NUP214: variants seen among roughly 807,000 people sequenced by gnomAD.
The protein encoded by NUP214 is nuclear pore complex protein Nup214.
In NUP214, 79 loss-of-function variants were observed where a neutral mutation model predicts 196.2. That is an observed-to-expected ratio of 0.40 (90% CI 0.34 to 0.49). The LOEUF (loss-of-function observed/expected upper bound fraction) is 0.49, where lower values mean the gene tolerates loss of function less well. Ranked by LOEUF, NUP214 falls within the 20% of genes least tolerant of loss-of-function variation. The pLI is 0.58. For synonymous variants in NUP214, 1,020 were observed against 990.5 expected, an observed-to-expected ratio of 1.03 and a Z score of -0.56; for missense variants, 2,468 against 2,539.0, an observed-to-expected ratio of 0.97 and a Z score of 0.60.
rs1430973926 is a variant in NUP214 at position 131,174,067 on chromosome 9, G to GATCAGCCTTTCTGTCTCA, written c.2907_2924dup (p.Ser970_Gln975dup). On this transcript the variant is annotated inframe_insertion, in exon 22 of 36. Transcript: ENST00000359428. ...GGGGCTTTTGTAGCCAGCCTGTCTC[G>GATCAGCCTTTCTGTCTCA]ATCAGCCTTTCTGTCTCAGAGATAT... 1 of 1,612,224 alleles carries GATCAGCCTTTCTGTCTCA rather than the reference G, an allele frequency of 6.2e-7. No homozygotes were observed. Among genetic ancestry groups the GATCAGCCTTTCTGTCTCA allele is most frequent in the Non-Finnish European group, 8.5e-7 (1 of 1,179,494 alleles).
chr9:131,217,189 A>G (rs78130597), intron 31 of NUP214, among the ~76,000 whole-genome samples: 1,915 of 152,320 alleles, frequency 0.013, 24 homozygotes, highest in Non-Finnish European at 0.019. Flanking sequence ...CTCAAAAACC[A>G]AACAAACAAA....
chr9:131,232,315 A>G lies in NUP214; in HGVS notation c.6239+7A>G, dbSNP rs768001098. 3.7e-6 allele frequency: 6 copies of G among 1,613,786 alleles called. No homozygotes were observed. Among genetic ancestry groups the G allele is most frequent in the Admixed American group, 3.3e-5 (2 of 60,034 alleles). On this transcript the variant is annotated splice_region_variant and intron_variant, in intron 35 of 35. Coordinates refer to ENST00000359428, the MANE Select transcript of NUP214 (RefSeq NM_005085.4). The surrounding 1 kb of genome is among the most constrained non-coding windows in gnomAD (Gnocchi z 5.1). ...GCTTTGGGTCAAATAACTCGTAAGT[A>G]TCCCCCTTTTTGAGTCTCACCTTAA... is the stretch of plus-strand genomic sequence containing the variant.
At chr9:131,231,170 T>C (rs1308553168) in intron 34 of NUP214, among the ~76,000 whole-genome samples, 1 of 152,008 alleles carries the variant, frequency 6.6e-6, no homozygotes, top group African/African-American at 2.4e-5. Flanking sequence ...ATATGTAACA[T>C]ACTGAAAGTG....
rs1393601833 is a variant in NUP214, at chr9:131,230,770, G to A, written c.6214+1G>A. On this transcript the variant is annotated splice_donor_variant, in intron 34 of 35. Transcript: ENST00000359428. LOFTEE classifies it high-confidence loss of function. The stretch of plus-strand genomic sequence containing the variant: ...TCTGGTTTTGGATCAGGCACAGGAG[G>A]TAAGCTGCCACAAGTTCTCCCCTCA... 1 of 1,612,296 alleles carries A rather than the reference G, an allele frequency of 6.2e-7. No homozygotes were observed. The highest frequency in any genetic ancestry group is 1.3e-5 in the African/African-American group (1 of 75,020).
rs1189640040 is a variant in NUP214, at chr9:131,230,404, T to C, written c.6075-226T>C. 1.7e-5 allele frequency: 9 copies of C among 541,128 alleles called. No individual in the cohort carries two copies. The Admixed American group carries it at 2.3e-4, about 14-fold the overall frequency. 33.5% of individuals were successfully genotyped at this position (541,128 alleles called of 1,614,324 possible). A position where few individuals can be genotyped will look rare whatever the true frequency, so the allele number is the denominator to read the frequency against. On this transcript the variant is annotated intron_variant, in intron 33 of 35. Coordinates refer to ENST00000359428, the MANE Select transcript of NUP214 (RefSeq NM_005085.4). ...GATGGAAACTAAAACACTGGCCAGGTTGGATTTCATACTGTAGTCCTGCCA... is the reference window on the plus strand; with the variant it reads ...GATGGAAACTAAAACACTGGCCAGGCTGGATTTCATACTGTAGTCCTGCCA...
At position 131,136,006 on chromosome 9, in the gene NUP214, G is replaced by C; in HGVS notation, c.1005G>C (p.Gln335His). The change falls in exon 9 of 36, where the codon CAG (glutamine) becomes CAC (histidine). Residue 335 changes from glutamine to histidine, a missense_variant and splice_region_variant. Transcript: ENST00000359428. ...GTATCCTTGCTCGACAAAGTGATCA[G>C]GTAAATCTCTTTTTTGTCACTTCTG... ...EVSILARQSDQINWESWLLED... is the reference protein window; with the variant it reads ...EVSILARQSDHINWESWLLED... The C allele has an allele frequency of 3.1e-6, 5 of 1,610,396 alleles. No homozygotes were observed. Among genetic ancestry groups the C allele is most frequent in the Non-Finnish European group, 4.2e-6 (5 of 1,176,716 alleles).
chr9:131,134,959 G>T lies in NUP214; in HGVS notation c.893G>T (p.Cys298Phe), dbSNP rs1321904837. The change falls in exon 8 of 36, where the codon TGC becomes TTC. Residue 298 changes from cysteine to phenylalanine, a missense_variant. Coordinates refer to ENST00000359428, the MANE Select transcript of NUP214 (RefSeq NM_005085.4). ...TTTATGGAGCCCTGTTATGGCAGCT[G>T]CACGGAGAGACAGCATCATTACTAC... ...VNFMEPCYGS[C>F]TERQHHYYLS... is the part of the protein sequence containing the mutation. 2 of 1,613,878 alleles carry T rather than the reference G, an allele frequency of 1.2e-6. No homozygotes were observed.
chr9:131,133,282 C>G, intron 7 of NUP214, 73 bp downstream of exon 7: 1 of 691,552 alleles, frequency 1.4e-6, no homozygotes. Context: ...GCTTTGATTT[C>G]AAGGGGTTTT....
chr9:131,221,451 A>T (rs1834552541), intron 31 of NUP214, among the ~76,000 whole-genome samples: 1 of 152,224 alleles, frequency 6.6e-6, no homozygotes, highest in Non-Finnish European at 1.5e-5. Flanking sequence ...GATTAAGAGC[A>T]TTGCATCTGG....
rs570952531 is a variant in NUP214 at position 131,231,484 on chromosome 9, T to TA, written c.6214+715_6214+716insA. ...GGGATTACAGCACCTGGCATATATA[T>TA]TTTTTTTTAGGTTTTAGTTAGACTT... On this transcript the variant is annotated intron_variant, in intron 34 of 35. Coordinates refer to ENST00000359428, the MANE Select transcript of NUP214 (RefSeq NM_005085.4). Among the ~76,000 whole-genome samples the TA allele has an allele frequency of 6.4e-3, 968 of 151,204 alleles. 8 individuals are homozygous for TA. Among genetic ancestry groups the TA allele is most frequent in the Middle Eastern group, 0.01 (3 of 292 alleles).
At position 131,126,713 on chromosome 9, in the gene NUP214, A is replaced by G. The variant is rs181949549; in HGVS notation, c.46-811A>G. 1.3e-3 allele frequency among the ~76,000 whole-genome samples: 205 copies of G among 151,922 alleles called. 1 individual carries two copies. Among genetic ancestry groups the G allele is most frequent in the Middle Eastern group, 6.8e-3 (2 of 294 alleles). ...CAGGCGCCTGCCACCACGCCCCACT[A>G]ATTTTTTATATCATTTGGTAGAGAC... On this transcript the variant is annotated intron_variant, in intron 1 of 35. Transcript: ENST00000359428.
At chr9:131,194,479 TA>T (rs1216139044) in intron 27 of NUP214, among the ~76,000 whole-genome samples, 1 of 152,144 alleles carries the variant, frequency 6.6e-6, no homozygotes, top group Non-Finnish European at 1.5e-5. Flanking sequence ...CTCAAAGGAT[TA>T]ACCTGCCTCA....
rs141782863 is a variant in NUP214 at position 131,233,483 on chromosome 9, G to A, written c.6269G>A (p.Ser2090Asn). Residue 2090 changes from serine to asparagine, a missense_variant, in exon 36 of 36, where the codon AGC (serine) becomes AAC (asparagine). Coordinates refer to ENST00000359428, the MANE Select transcript of NUP214 (RefSeq NM_005085.4). The part of the protein sequence containing the change: ...SSVQGFGGWR[S>N] ...GTCCAGGGTTTTGGTGGCTGGCGAA[G>A]CTGAGGGCGTGTCAGCAGGCCTTTC... The A allele has an allele frequency of 2.9e-5, 46 of 1,613,886 alleles. No homozygotes were observed. The highest frequency in any genetic ancestry group is 3.1e-5 in the Non-Finnish European group (37 of 1,179,888).
chr9:131,157,724 C>T (rs914722459), intron 17 of NUP214, among the ~76,000 whole-genome samples: 27 of 152,036 alleles, frequency 1.8e-4, no homozygotes, highest in South Asian at 8.3e-4. Context: ...CAGCTCACTG[C>T]GACTTCCACC....
intron 23 of NUP214, among the ~76,000 whole-genome samples, chr9:131,176,544 G>T (rs1161513615): frequency 6.6e-6 from 1 of 151,770 alleles, no homozygotes; most frequent in East Asian, 1.9e-4. Flanking sequence ...ATCCAAGCTG[G>T]TCTCAAACTC....
rs1253813573 is a variant in NUP214 at position 131,133,090 on chromosome 9, A to G, written c.728-16A>G. The stretch of plus-strand genomic sequence containing the variant: ...CTGTCATTTTTATGAGCTACTGATT[A>G]AGATGTGTCTTTCAGTTCTGGATGT... On this transcript the variant is annotated splice_polypyrimidine_tract_variant and intron_variant, in intron 6 of 35. Coordinates refer to ENST00000359428, the MANE Select transcript of NUP214 (RefSeq NM_005085.4). The G allele has an allele frequency of 1.3e-6, 2 of 1,585,338 alleles. No homozygotes were observed. The highest frequency in any genetic ancestry group is 1.3e-5 in the African/African-American group (1 of 74,190).
intron 32 of NUP214, among the ~76,000 whole-genome samples, chr9:131,223,513 T>G (rs902525601): frequency 4.6e-5 from 7 of 151,600 alleles, no homozygotes; most frequent in Non-Finnish European, 8.8e-5. Flanking sequence ...GAGAAAACAT[T>G]GTAAATATTT....
rs1207221514 is a variant in NUP214 at position 131,234,491 on chromosome 9, G to A, written c.*1004G>A. On this transcript the variant is annotated 3_prime_UTR_variant, in exon 36 of 36. Transcript: ENST00000359428. ...AGATAGTTGCCATCAAACAAGGACC[G>A]TCTCGCATTGAAAACAGATGTAAGA... The A allele has an allele frequency of 2.6e-5, 6 of 231,762 alleles. No individual in the cohort carries two copies. The highest frequency in any genetic ancestry group is 8.8e-5 in the African/African-American group (4 of 45,348). 14.4% of individuals were successfully genotyped at this position (231,762 alleles called of 1,614,324 possible). A position where few individuals can be genotyped will look rare whatever the true frequency, so the allele number is the denominator to read the frequency against.
intron 26 of NUP214, 37 bp from the exon 27 acceptor site, chr9:131,192,169 CTT>C (rs66652901): frequency 2.4e-3 from 1,088 of 446,178 alleles, no homozygotes; most frequent in East Asian, 6.5e-3. Context: ...TTGTAATATT[CTT>C]TTTTTTTTTT....
Sources: allele counts gnomAD v4.1 joint callset (sites outside exome capture counted in the v4.1 genomes callset), GRCh38; gene constraint gnomAD v4.1.1; non-coding constraint Gnocchi (gnomAD v3.1); transcripts MANE v1.5; gene names NCBI Gene and HGNC (gene_info 2026-07-23, HGNC 2026-07-21).